The following FER variants were observed in gnomAD, a reference collection of about 807,000 sequenced individuals.
FER encodes the protein tyrosine-protein kinase Fer.
A neutral mutation model predicts 111.0 loss-of-function variants in FER; 63 were observed. The observed-to-expected ratio is 0.57, with a 90% CI of 0.46 to 0.70. The LOEUF is 0.70. Among genes scored for constraint, FER ranks in the 30% least tolerant of loss-of-function variants. FER has a pLI of 0.00. For synonymous variants in FER, 327 were observed against 313.9 expected (o/e 1.04, Z -0.44); for missense variants, 914 against 954.0 (o/e 0.96, Z 0.55).
At chr5:108,761,670 A>G (rs568138709) in intron 1 of FER, among the ~76,000 whole-genome samples, 14 of 152,334 alleles carry the variant, frequency 9.2e-5, no homozygotes, top group African/African-American at 3.1e-4. Flanking sequence ...CAGGATTATA[A>G]TAGACCTTCA....
chr5:108,804,967 G>A (rs1427596578), intron 3 of FER, among the ~76,000 whole-genome samples: 1 of 139,956 alleles, frequency 7.1e-6, no homozygotes, highest in Non-Finnish European at 1.6e-5. Flanking sequence ...CATTTAGTCT[G>A]CTTTTTTTTT....
At chr5:108,999,132 CTA>C (rs903197139) in intron 13 of FER, among the ~76,000 whole-genome samples, 7 of 151,950 alleles carry the variant, frequency 4.6e-5, no homozygotes, top group Non-Finnish European at 5.9e-5. Flanking sequence ...TTCCTTGATT[CTA>C]TGTTTTTTCC....
rs545929920 is a variant in FER, at chr5:109,075,986, GA to G, written c.1925-24400del. The stretch of plus-strand genomic sequence containing the variant: ...TAATGTATCTTCAGAAAAGAAAAAT[GA>G]AAAAAAAAATTAGAAGCTATTTCAG... On this transcript the variant is annotated intron_variant, in intron 16 of 19. Transcript: ENST00000281092. Among the ~76,000 whole-genome samples, 812 of 147,492 alleles carry G rather than the reference GA, an allele frequency of 5.5e-3. 4 individuals are homozygous for G. Among genetic ancestry groups the G allele is most frequent in the Middle Eastern group, 0.028 (8 of 286 alleles).
chr5:109,064,063 A>G (rs1024657170), intron 16 of FER, among the ~76,000 whole-genome samples: 2 of 152,168 alleles, frequency 1.3e-5, no homozygotes, highest in African/African-American at 4.8e-5. Context: ...TTTTAAATTG[A>G]TATTTCTTTC....
intron 5 of FER, among the ~76,000 whole-genome samples, chr5:108,865,877 C>A (rs1763998314): frequency 6.6e-6 from 1 of 152,130 alleles, no homozygotes; most frequent in Non-Finnish European, 1.5e-5. Context: ...AAATCAAAAC[C>A]ACAATGAGAT....
chr5:108,843,677 C>G (rs867321295), intron 5 of FER, among the ~76,000 whole-genome samples: 1 of 151,456 alleles, frequency 6.6e-6, no homozygotes, highest in Admixed American at 6.6e-5. Context: ...TACAGGTGTG[C>G]GCCACCAAAC....
intron 16 of FER, chr5:109,052,430 G>C: frequency 1.3e-6 from 2 of 1,483,706 alleles, no homozygotes. Context: ...TTGTCAAGGA[G>C]TTTGCCTAAA....
intron 10 of FER, among the ~76,000 whole-genome samples, chr5:108,928,793 C>G (rs1264385336): frequency 6.6e-6 from 1 of 151,228 alleles, no homozygotes; most frequent in Admixed American, 6.6e-5. Context: ...TTGCTCTTTT[C>G]TTAAAGAAGA....
chr5:108,810,663 G>A (rs930007277), intron 3 of FER, among the ~76,000 whole-genome samples: 1 of 152,194 alleles, frequency 6.6e-6, no homozygotes, highest in Non-Finnish European at 1.5e-5. Flanking sequence ...GGAATGGTGG[G>A]GCAGGTCAGG....
In FER at chr5:108,819,234, G is replaced by A. The variant is rs571771927; in HGVS notation, c.208-13536G>A. 2.9e-4 allele frequency among the ~76,000 whole-genome samples: 42 copies of A among 143,798 alleles called. 1 individual carries two copies. Among genetic ancestry groups the A allele is most frequent in the South Asian group, 2.6e-3 (12 of 4,586 alleles). The allele number at this position is 143,798 out of a possible 152,430, so 94.3% of individuals were successfully genotyped here. ...GCTGGGATCTGACTCTTTTGCCCAC[G>A]CTCGTCTTGAACTTTTGGGCTCAAG... On this transcript the variant is annotated intron_variant, in intron 3 of 19. Transcript: ENST00000281092.
chr5:109,138,767 G>C (rs1753183640), intron 17 of FER, among the ~76,000 whole-genome samples: 1 of 152,200 alleles, frequency 6.6e-6, no homozygotes, highest in Non-Finnish European at 1.5e-5. Flanking sequence ...GACTATTACA[G>C]CTATTCCAGA....
At chr5:108,996,715 T>G (rs761720966) in intron 13 of FER, among the ~76,000 whole-genome samples, 7 of 152,184 alleles carry the variant, frequency 4.6e-5, no homozygotes, top group Non-Finnish European at 1.0e-4. Context: ...GCATTGTTCT[T>G]TTTTGCTAGG....
At chr5:108,827,304 A>T (rs1321088759) in intron 3 of FER, among the ~76,000 whole-genome samples, 1 of 152,190 alleles carries the variant, frequency 6.6e-6, no homozygotes, top group African/African-American at 2.4e-5. Context: ...CCTCAACCCT[A>T]TCAGAAGGTA....
At chr5:108,864,501 G>A (rs1011190788) in intron 5 of FER, among the ~76,000 whole-genome samples, 1 of 152,120 alleles carries the variant, frequency 6.6e-6, no homozygotes, top group African/African-American at 2.4e-5. Context: ...AGCCTAAGCA[G>A]AATGGCAACA....
intron 2 of FER, among the ~76,000 whole-genome samples, chr5:108,791,550 C>G (rs999885987): frequency 7.0e-6 from 1 of 143,736 alleles, no homozygotes; most frequent in Non-Finnish European, 1.5e-5. Context: ...TATATACACA[C>G]ACATATGTGT....
At chr5:108,927,195 C>T (rs963916401) in intron 10 of FER, among the ~76,000 whole-genome samples, 1 of 150,720 alleles carries the variant, frequency 6.6e-6, no homozygotes, top group African/African-American at 2.4e-5. Context: ...ACTTCCTGTT[C>T]AACAGAAGAT....
intron 13 of FER, among the ~76,000 whole-genome samples, chr5:108,977,118 A>G (rs1451445128): frequency 2.0e-5 from 3 of 152,238 alleles, no homozygotes; most frequent in Non-Finnish European, 4.4e-5. Context: ...TGAGCTCACC[A>G]CAATAGCAGT....
At chr5:108,789,617 T>TTC (rs1349622579) in intron 2 of FER, among the ~76,000 whole-genome samples, 95 of 130,210 alleles carry the variant, frequency 7.3e-4, no homozygotes, top group Non-Finnish European at 1.1e-3. Context: ...TCTTCTTCTT[T>TTC]TTTTTTTTTA....
At chr5:108,808,925 C>G (rs1313493681) in intron 3 of FER, among the ~76,000 whole-genome samples, 1 of 152,180 alleles carries the variant, frequency 6.6e-6, no homozygotes, top group Non-Finnish European at 1.5e-5. Flanking sequence ...CTAATCTTCC[C>G]TGGCTTAGAA....
Sources: gnomAD v4.1 joint callset for allele counts (sites outside exome capture counted in the v4.1 genomes callset) on GRCh38, gnomAD v4.1.1 for gene constraint, MANE v1.5 for transcripts, NCBI Gene and HGNC (gene_info 2026-07-23, HGNC 2026-07-21) for gene names.